The following ADISSP variants were observed in gnomAD, a reference collection of about 807,000 sequenced individuals.
ADISSP encodes adipose secreted signaling protein, also known as adipose-secreted signaling protein.
the ADISSP span, among the ~76,000 whole-genome samples, chr20:3,756,660 C>T: frequency 0.012 from 1,886 of 152,348 alleles, 16 homozygotes; most frequent in Non-Finnish European, 0.02. Flanking sequence ...GGGGGCACAT[C>T]CCTCAAGAAG....
At chr20:3,754,105 C>G in the ADISSP span, 93 of 1,613,398 alleles carry the variant, frequency 5.8e-5, no homozygotes, top group Non-Finnish European at 6.9e-5. Flanking sequence ...TATTCCAGCT[C>G]GGCGCCCACA....
the ADISSP span, among the ~76,000 whole-genome samples, chr20:3,757,277 G>A: frequency 1.5e-4 from 23 of 151,956 alleles, no homozygotes; most frequent in African/African-American, 5.1e-4. Context: ...TTGAACCTGG[G>A]AGCTGGAGGT....
the ADISSP span, chr20:3,754,394 C>CAGG: frequency 6.2e-7 from 1 of 1,606,212 alleles, no homozygotes; most frequent in Non-Finnish European, 8.5e-7. Flanking sequence ...CTCACGCTCT[C>CAGG]ACCCATGACG....
At chr20:3,763,539 A>G in the ADISSP span, among the ~76,000 whole-genome samples, 1 of 138,372 alleles carries the variant, frequency 7.2e-6, no homozygotes, top group African/African-American at 2.8e-5. Context: ...CCTGGGCAAA[A>G]GGAGCAAAAC....
the ADISSP span, among the ~76,000 whole-genome samples, chr20:3,755,921 C>G: frequency 1.3e-5 from 2 of 152,180 alleles, no homozygotes; most frequent in Admixed American, 1.3e-4. Context: ...TGGCCAAAGG[C>G]TATGTAGTGT....
chr20:3,759,436 T>TGA, the ADISSP span, among the ~76,000 whole-genome samples: 1 of 152,078 alleles, frequency 6.6e-6, no homozygotes, highest in Non-Finnish European at 1.5e-5. The surrounding 1 kb of genome is among the most constrained non-coding windows in gnomAD (Gnocchi z 4.6). Flanking sequence ...GGAGCCGAGC[T>TGA]GAAGGCCTGG....
chr20:3,760,039 G>A, the ADISSP span: 12 of 1,610,420 alleles, frequency 7.5e-6, no homozygotes, highest in South Asian at 1.1e-5. Flanking sequence ...AGGGCCCACC[G>A]GAAGAGCTTG....
chr20:3,755,194 C>T, the ADISSP span, among the ~76,000 whole-genome samples: 3 of 152,164 alleles, frequency 2.0e-5, no homozygotes, highest in Non-Finnish European at 2.9e-5. Context: ...GGCTTCAAAC[C>T]AGTTCCTCAG....
the ADISSP span, chr20:3,753,769 C>G: frequency 2.1e-6 from 1 of 482,192 alleles, no homozygotes; most frequent in Non-Finnish European, 3.8e-6. Flanking sequence ...GAGTGGGGGA[C>G]CCACCCCAGG....
At chr20:3,755,438 C>T in the ADISSP span, 2 of 1,598,940 alleles carry the variant, frequency 1.3e-6, no homozygotes, top group Admixed American at 3.4e-5. Flanking sequence ...CTCCCACACC[C>T]ATCCAGGCCC....
At chr20:3,763,933 C>T in the ADISSP span, among the ~76,000 whole-genome samples, 89 of 152,316 alleles carry the variant, frequency 5.8e-4, no homozygotes, top group Admixed American at 1.4e-3. Flanking sequence ...TTGGGTACCA[C>T]CAGGAGCCCC....
At chr20:3,765,045 G>C in the ADISSP span, among the ~76,000 whole-genome samples, 1 of 152,230 alleles carries the variant, frequency 6.6e-6, no homozygotes, top group Non-Finnish European at 1.5e-5. Context: ...CTCAGTAAAG[G>C]GCAAACACTG....
At chr20:3,765,090 A>G in the ADISSP span, among the ~76,000 whole-genome samples, 1 of 152,252 alleles carries the variant, frequency 6.6e-6, no homozygotes, top group Non-Finnish European at 1.5e-5. Context: ...GACAACATAG[A>G]GGCAGGAAGC....
the ADISSP span, chr20:3,768,381 T>G: frequency 6.6e-6 from 1 of 152,404 alleles, no homozygotes; most frequent in East Asian, 1.9e-4. Flanking sequence ...TGGAGAAGCA[T>G]CAGAACAAAG....
At chr20:3,754,542 G>A in the ADISSP span, 1 of 1,606,714 alleles carries the variant, frequency 6.2e-7, no homozygotes, top group African/African-American at 1.3e-5. Context: ...AGGGGCAATT[G>A]GTCAGCACCT....
At chr20:3,763,497 C>G in the ADISSP span, among the ~76,000 whole-genome samples, 1 of 141,968 alleles carries the variant, frequency 7.0e-6, no homozygotes, top group Non-Finnish European at 1.5e-5. Flanking sequence ...GCGGAGGTTG[C>G]GGTGAGCCGA....
chr20:3,755,478 C>T, the ADISSP span: 16 of 1,611,134 alleles, frequency 9.9e-6, no homozygotes, highest in East Asian at 1.1e-4. Flanking sequence ...CCTTCAGGGA[C>T]GGGCACCACG....
the ADISSP span, among the ~76,000 whole-genome samples, chr20:3,766,828 C>A: frequency 6.6e-6 from 1 of 152,132 alleles, no homozygotes; most frequent in Non-Finnish European, 1.5e-5. Context: ...TCTTCAACTC[C>A]CCGGAGCAGA....
At chr20:3,765,888 C>G in the ADISSP span, among the ~76,000 whole-genome samples, 35 of 152,008 alleles carry the variant, frequency 2.3e-4, no homozygotes, top group Admixed American at 1.7e-3. Context: ...TGCCTCCCCG[C>G]CAGCAAAAAA....
Sources: allele counts gnomAD v4.1 joint callset (sites outside exome capture counted in the v4.1 genomes callset), GRCh38; gene constraint gnomAD v4.1.1; non-coding constraint Gnocchi (gnomAD v3.1); transcripts MANE v1.5; gene names NCBI Gene and HGNC (gene_info 2026-07-23, HGNC 2026-07-21).